The following PLCL1 variants were observed in gnomAD, a reference collection of about 807,000 sequenced individuals.
PLCL1 encodes inactive phospholipase C-like protein 1.
A neutral mutation model predicts 84.4 loss-of-function variants in PLCL1; 41 were observed. That is an observed-to-expected ratio of 0.49 (90% confidence interval 0.38 to 0.63). The LOEUF is 0.63. Ranked by LOEUF, PLCL1 falls within the 30% of genes least tolerant of loss-of-function variation. The pLI is 0.00. For missense variants in PLCL1, 1,206 were observed against 1,367.8 expected (o/e 0.88, Z 1.87); for synonymous variants, 490 against 488.3 (o/e 1.00, Z -0.05).
chr2:198,141,642 T>C (rs1251865288), intron 5 of PLCL1, among the ~76,000 whole-genome samples: 3 of 152,222 alleles, frequency 2.0e-5, no homozygotes, highest in East Asian at 3.9e-4. Flanking sequence ...ATTAGTAAGA[T>C]GGCAGTTGTG....
At chr2:197,968,601 A>C (rs1269006370) in intron 1 of PLCL1, among the ~76,000 whole-genome samples, 4 of 152,218 alleles carry the variant, frequency 2.6e-5, no homozygotes. Flanking sequence ...GTGCTAACTT[A>C]ATTCTCCAGT....
At chr2:197,960,705 ATCTTT>A (rs896389020) in intron 1 of PLCL1, among the ~76,000 whole-genome samples, 1 of 152,068 alleles carries the variant, frequency 6.6e-6, no homozygotes, top group Non-Finnish European at 1.5e-5. Context: ...GCACAGCCAC[ATCTTT>A]TCTTTTCATG....
At position 197,947,117 on chromosome 2, in the gene PLCL1, A is replaced by G. The variant is rs567868552; in HGVS notation, c.241-136641A>G. On this transcript the variant is annotated intron_variant, in intron 1 of 5. Coordinates refer to ENST00000428675, the MANE Select transcript of PLCL1 (RefSeq NM_006226.4). ...CAAATAGGGGTGAACATACGTTTTC[A>G]TGGAGCTTATCTTTTAGGGGAGTGA... 2.0e-5 allele frequency among the ~76,000 whole-genome samples: 3 copies of G among 152,116 alleles called. No homozygotes were observed. The East Asian group carries it at 5.8e-4, about 29-fold the overall frequency.
At chr2:198,024,481 T>C (rs1348093481) in intron 1 of PLCL1, among the ~76,000 whole-genome samples, 1 of 152,200 alleles carries the variant, frequency 6.6e-6, no homozygotes, top group African/African-American at 2.4e-5. Flanking sequence ...TGTTTAGGAA[T>C]TACTACACGT....
chr2:198,050,062 G>A (rs978306940), intron 1 of PLCL1, among the ~76,000 whole-genome samples: 1 of 152,178 alleles, frequency 6.6e-6, no homozygotes, highest in African/African-American at 2.4e-5. Context: ...CTGCAGGCCG[G>A]ACTGGTTGAA....
At chr2:197,814,291 T>C (rs576752885) in intron 1 of PLCL1, among the ~76,000 whole-genome samples, 1 of 152,308 alleles carries the variant, frequency 6.6e-6, no homozygotes, top group East Asian at 1.9e-4. Context: ...TTTTGGTAAT[T>C]CTTACAAGAT....
intron 1 of PLCL1, among the ~76,000 whole-genome samples, chr2:198,055,151 G>A (rs1692031351): frequency 1.3e-5 from 2 of 152,036 alleles, no homozygotes; most frequent in South Asian, 4.2e-4. Flanking sequence ...GTTCTGGGAA[G>A]AAACAGCTAG....
chr2:197,998,911 G>A (rs1460698458), intron 1 of PLCL1, among the ~76,000 whole-genome samples: 3 of 152,194 alleles, frequency 2.0e-5, no homozygotes, highest in Admixed American at 6.5e-5. Context: ...ATCACCTAGA[G>A]ACTGGCAGCA....
Position 197,805,350 on chromosome 2 carries a change from C to A in PLCL1, c.240+11C>A. Reference sequence around the variant, plus strand: ...AGCAGCATCATCAAGGTAAGCAAAGCCGCGCCGCACCGGGAGCGTGGCTGT... The same window carrying A: ...AGCAGCATCATCAAGGTAAGCAAAGACGCGCCGCACCGGGAGCGTGGCTGT... On this transcript the variant is annotated intron_variant, in intron 1 of 5. Coordinates refer to ENST00000428675, the MANE Select transcript of PLCL1 (RefSeq NM_006226.4). This position sits in a 1 kb window ranked among gnomAD's most constrained non-coding sequence, Gnocchi z 4.0. The A allele has an allele frequency of 7.5e-7, 1 of 1,337,082 alleles. No individual in the cohort carries two copies. The highest frequency in any genetic ancestry group is 9.5e-7 in the Non-Finnish European group (1 of 1,049,786). The allele number at this position is 1,337,082 out of a possible 1,614,324, so 82.8% of individuals were successfully genotyped here. A position where few individuals can be genotyped will look rare whatever the true frequency, so the allele number is the denominator to read the frequency against.
Position 198,084,803 on chromosome 2 carries a change from A to G in PLCL1, c.1286A>G (p.Asn429Ser), listed in dbSNP as rs1306758129. 1.2e-6 allele frequency: 2 copies of G among 1,613,990 alleles called. No homozygotes were observed. The highest frequency in any genetic ancestry group is 2.2e-5 in the East Asian group (1 of 44,896). The change falls in exon 2 of 6, where the codon AAT becomes AGT. Residue 429 changes from asparagine (N) to serine (S), a missense_variant. Coordinates refer to ENST00000428675, the MANE Select transcript of PLCL1 (RefSeq NM_006226.4). ...CAGTTCAGGGGGCCAGCTGACATCA[A>G]TGGGTACATTAGAGCTTTGAAAATG... ...EDQFRGPADINGYIRALKMGC... is the reference protein window; with the variant it reads ...EDQFRGPADISGYIRALKMGC...
At chr2:198,075,202 A>G (rs1034463096) in intron 1 of PLCL1, among the ~76,000 whole-genome samples, 1 of 152,206 alleles carries the variant, frequency 6.6e-6, no homozygotes, top group Non-Finnish European at 1.5e-5. Context: ...GGAAGGACAG[A>G]ATCGTATCTC....
chr2:197,905,474 ATTTTCT>A (rs1688362078), intron 1 of PLCL1, among the ~76,000 whole-genome samples: 2 of 152,060 alleles, frequency 1.3e-5, no homozygotes, highest in South Asian at 4.2e-4. Flanking sequence ...TATGTGCCAC[ATTTTCT>A]TTATCTAGTC....
At position 198,104,493 on chromosome 2, in the gene PLCL1, A is replaced by G. The variant is rs1693423360; in HGVS notation, c.3105+557A>G. Among the ~76,000 whole-genome samples, 4 of 151,990 alleles carry G rather than the reference A, an allele frequency of 2.6e-5. No individual in the cohort carries two copies. In the South Asian group the frequency reaches 8.3e-4, roughly 31 times the overall value. The stretch of plus-strand genomic sequence containing the variant: ...CTTTGCTATTGTGAATAGTGCTGTG[A>G]CAAACAGACATGTCCATGTGTCTTT... On this transcript the variant is annotated intron_variant, in intron 5 of 5. Coordinates refer to ENST00000428675, the MANE Select transcript of PLCL1 (RefSeq NM_006226.4).
intron 1 of PLCL1, among the ~76,000 whole-genome samples, chr2:197,938,210 A>G (rs1007746639): frequency 1.3e-5 from 2 of 152,164 alleles, no homozygotes; most frequent in Non-Finnish European, 2.9e-5. Flanking sequence ...CATTCAGTGC[A>G]TCATCAGTTT....
intron 1 of PLCL1, among the ~76,000 whole-genome samples, chr2:197,942,326 A>C (rs1217454934): frequency 1.3e-5 from 2 of 152,138 alleles, no homozygotes; most frequent in African/African-American, 4.8e-5. Flanking sequence ...CCTTTTAACA[A>C]ACGTAGATCT....
At chr2:197,952,451 T>C (rs1434283390) in intron 1 of PLCL1, among the ~76,000 whole-genome samples, 1 of 152,146 alleles carries the variant, frequency 6.6e-6, no homozygotes, top group Non-Finnish European at 1.5e-5. Context: ...TGAAGGTGCA[T>C]AGCAAGAAGG....
intron 3 of PLCL1, among the ~76,000 whole-genome samples, chr2:198,090,583 A>G (rs1372460382): frequency 6.6e-6 from 1 of 152,180 alleles, no homozygotes; most frequent in Non-Finnish European, 1.5e-5. Context: ...GAATGACCAT[A>G]CCTGTTATAA....
At chr2:197,879,482 T>C (rs1284489427) in intron 1 of PLCL1, among the ~76,000 whole-genome samples, 2 of 152,150 alleles carry the variant, frequency 1.3e-5, no homozygotes, top group Non-Finnish European at 2.9e-5. Context: ...AATTTGATGA[T>C]AAAAAATGGA....
At position 198,085,746 on chromosome 2, in the gene PLCL1, G is replaced by C. The variant is rs142477843; in HGVS notation, c.2229G>C (p.Gly743=). The change falls in exon 2 of 6, where the codon GGG becomes GGC. Residue 743 remains glycine (G), a synonymous_variant. Transcript: ENST00000428675. The surrounding 1 kb of genome is among the most constrained non-coding windows in gnomAD (Gnocchi z 5.3). The part of the protein sequence containing the change: ...FPKPKGACAK[G]DVIDPYVCIE... Reference sequence around the variant, plus strand: ...AGCCCAAGGGAGCTTGTGCCAAAGGGGATGTCATAGATCCCTATGTTTGTA... The same window carrying C: ...AGCCCAAGGGAGCTTGTGCCAAAGGCGATGTCATAGATCCCTATGTTTGTA... 6.2e-7 allele frequency: 1 copy of C among 1,614,024 alleles called. No individual in the cohort carries two copies.
Sources: gnomAD v4.1 joint callset for allele counts (sites outside exome capture counted in the v4.1 genomes callset) on GRCh38, gnomAD v4.1.1 for gene constraint, Gnocchi (gnomAD v3.1) non-coding constraint, MANE v1.5 for transcripts, NCBI Gene and HGNC (gene_info 2026-07-23, HGNC 2026-07-21) for gene names.